The following LEPROTL1 variants were observed in gnomAD, a reference collection of about 807,000 sequenced individuals.
LEPROTL1 encodes the protein leptin receptor overlapping transcript-like 1.
A neutral mutation model predicts 15.4 loss-of-function variants in LEPROTL1; 6 were observed. The ratio of observed to expected loss-of-function variants is 0.39; its 90% CI spans 0.21 to 0.77. The LOEUF is 0.77. Among genes scored for constraint, LEPROTL1 ranks in the 30% least tolerant of loss-of-function variants. The probability of loss-of-function intolerance (pLI) is 0.41; values close to 1 mark genes in which losing one functional copy is unlikely to be tolerated. For missense variants in LEPROTL1, 128 were observed against 158.1 expected, an observed-to-expected ratio of 0.81 and a Z score of 1.02; for synonymous variants, 56 against 52.6, an observed-to-expected ratio of 1.06 and a Z score of -0.28.
intron 3 of LEPROTL1, among the ~76,000 whole-genome samples, chr8:30,117,130 C>A (rs189680702): frequency 6.6e-6 from 1 of 151,936 alleles, no homozygotes; most frequent in Non-Finnish European, 1.5e-5. Context: ...GTATTGTAAT[C>A]CTAGGGAATT....
At chr8:30,102,225 G>C (rs1188021157) in intron 2 of LEPROTL1, among the ~76,000 whole-genome samples, 2 of 152,018 alleles carry the variant, frequency 1.3e-5, no homozygotes, top group African/African-American at 4.8e-5. Flanking sequence ...TAGCTACACA[G>C]TACCTCAGCC....
At position 30,133,169 on chromosome 8, in the gene LEPROTL1, G is replaced by T. The variant is rs191511856; in HGVS notation, c.394+680G>T. On this transcript the variant is annotated intron_variant, in intron 4 of 4. Coordinates refer to the LEPROTL1 transcript ENST00000442880. ...TGGGCTTAAGCAATCTGCCTGTCTC[G>T]GCCTCCCAGAGTGCTGGGATTACAG... 7.6e-4 allele frequency among the ~76,000 whole-genome samples: 116 copies of T among 152,026 alleles called. 6 individuals are homozygous for T. The East Asian group carries it at 0.014, about 18-fold the overall frequency.
At chr8:30,096,080 A>C (rs975980533) in intron 1 of LEPROTL1, 1 of 165,024 alleles carries the variant, frequency 6.1e-6, no homozygotes, top group African/African-American at 2.4e-5. Flanking sequence ...GTGCATTTTC[A>C]TCTGCGGTGT....
At chr8:30,132,705 G>A (rs1563220701) in intron 4 of LEPROTL1, 1 of 1,551,770 alleles carries the variant, frequency 6.4e-7, no homozygotes, top group Non-Finnish European at 8.7e-7. Flanking sequence ...ATCGCTGGAA[G>A]GAGCACAGAG....
intron 3 of LEPROTL1, among the ~76,000 whole-genome samples, chr8:30,128,197 T>C (rs1386286286): frequency 6.6e-6 from 1 of 152,154 alleles, no homozygotes; most frequent in Non-Finnish European, 1.5e-5. Flanking sequence ...TTCCCACAAA[T>C]CACTTTCTAC....
intron 1 of LEPROTL1, among the ~76,000 whole-genome samples, chr8:30,096,053 A>T (rs1398445486): frequency 2.0e-5 from 3 of 152,154 alleles, no homozygotes. Flanking sequence ...CCGAGGCTTT[A>T]CAGGCTCCCG....
chr8:30,102,081 C>A, intron 2 of LEPROTL1, 108 bp downstream of exon 2: 1 of 625,076 alleles, frequency 1.6e-6, no homozygotes, highest in Non-Finnish European at 2.8e-6. Context: ...GAGAAATGTT[C>A]ACTTACCAAA....
rs1029493174 is a variant in LEPROTL1, at chr8:30,117,647, C to T, written c.279+13161C>T. The stretch of plus-strand genomic sequence containing the variant: ...TTTCAAATTCGCCAATGTAACCATG[C>T]TTCATCATCACAGTGAGAAACCAGA... On this transcript the variant is annotated intron_variant, in intron 3 of 4. Coordinates refer to the LEPROTL1 transcript ENST00000442880. 4.7e-6 allele frequency: 7 copies of T among 1,488,714 alleles called. No homozygotes were observed. In the Admixed American group the frequency reaches 1.0e-4, roughly 21 times the overall value. 92.2% of individuals were successfully genotyped at this position (1,488,714 alleles called of 1,614,324 possible). A position where few individuals can be genotyped will look rare whatever the true frequency, so the allele number is the denominator to read the frequency against.
rs976649936 is a variant in LEPROTL1 at position 30,108,418 on chromosome 8, T to C, written c.*2556T>C. The stretch of plus-strand genomic sequence containing the variant: ...ATTTTTATGACTTCTTATTATGTAT[T>C]TATTACCACTCATTATTATAGCATG... On this transcript the variant is annotated 3_prime_UTR_variant, in exon 4 of 4. Transcript: ENST00000321250. 1.3e-5 allele frequency: 2 copies of C among 152,198 alleles called. No homozygotes were observed. The highest frequency in any genetic ancestry group is 2.9e-5 in the Non-Finnish European group (2 of 68,026). The allele number at this position is 152,198 out of a possible 1,614,324, so 9.4% of individuals were successfully genotyped here. A position where few individuals can be genotyped will look rare whatever the true frequency, so the allele number is the denominator to read the frequency against.
downstream of LEPROTL1, among the ~76,000 whole-genome samples, chr8:30,109,130 A>G (rs2117493352): frequency 6.6e-6 from 1 of 152,044 alleles, no homozygotes; most frequent in East Asian, 1.9e-4. Flanking sequence ...TTTATATTGA[A>G]TGTGACTAGA....
intron 4 of LEPROTL1, chr8:30,132,874 A>C (rs1201590924): frequency 4.5e-6 from 7 of 1,542,538 alleles, no homozygotes; most frequent in Non-Finnish European, 6.1e-6. Flanking sequence ...CCTCTGGGTC[A>C]AGAGCATGAG....
At chr8:30,127,865 A>C (rs4733384) in intron 3 of LEPROTL1, among the ~76,000 whole-genome samples, 114,418 of 151,580 alleles carry the variant, frequency 0.75, 45,433 homozygotes, top group Non-Finnish European at 0.87. Context: ...CCAGAAGGTT[A>C]GTGATTGAAT....
chr8:30,113,151 CTG>C (rs59936410), downstream of LEPROTL1, among the ~76,000 whole-genome samples: 8,155 of 151,080 alleles, frequency 0.054, 256 homozygotes, highest in Middle Eastern at 0.087. Context: ...TGGCTCATGA[CTG>C]TAATCCCAGC....
chr8:30,126,891 T>G (rs1321633059), intron 3 of LEPROTL1, among the ~76,000 whole-genome samples: 1 of 152,104 alleles, frequency 6.6e-6, no homozygotes, highest in Admixed American at 6.5e-5. Context: ...TACAAAAAAA[T>G]TAGCTGGATA....
intron 4 of LEPROTL1, among the ~76,000 whole-genome samples, chr8:30,136,663 G>T (rs1174772744): frequency 6.6e-6 from 1 of 151,232 alleles, no homozygotes; most frequent in Non-Finnish European, 1.5e-5. Context: ...CCACCCACCT[G>T]CCATCTTGCC....
chr8:30,106,539 C>G lies in LEPROTL1; in HGVS notation c.*677C>G. ...ATTGCTACAGAGGAGTGCTTTTCTT[C>G]TCAATTGTTAGAAGAATTTATGTTA... is the stretch of plus-strand genomic sequence containing the variant. On this transcript the variant is annotated 3_prime_UTR_variant, in exon 4 of 4. Transcript: ENST00000321250. 3 of 985,274 alleles carry G rather than the reference C, an allele frequency of 3.0e-6. No homozygotes were observed. Among genetic ancestry groups the G allele is most frequent in the Non-Finnish European group, 3.6e-6 (3 of 829,512 alleles). 61.0% of individuals were successfully genotyped at this position (985,274 alleles called of 1,614,324 possible).
chr8:30,131,721 G>A, intron 3 of LEPROTL1: 1 of 470,764 alleles, frequency 2.1e-6, no homozygotes, highest in South Asian at 2.4e-5. Context: ...TAAACCTTAA[G>A]GGAAGAAACC....
intron 3 of LEPROTL1, among the ~76,000 whole-genome samples, chr8:30,115,510 C>A (rs2117504602): frequency 6.8e-6 from 1 of 147,602 alleles, no homozygotes; most frequent in African/African-American, 2.5e-5. Flanking sequence ...GTAGCTGGGA[C>A]TACAGGCACG....
At chr8:30,103,636 G>A (rs1048500301) in intron 2 of LEPROTL1, among the ~76,000 whole-genome samples, 5 of 151,676 alleles carry the variant, frequency 3.3e-5, no homozygotes, top group Admixed American at 2.6e-4. Context: ...AGCTAGTCAC[G>A]GGGGCTGAGG....
Sources: allele counts gnomAD v4.1 joint callset (sites outside exome capture counted in the v4.1 genomes callset), GRCh38; gene constraint gnomAD v4.1.1; transcripts MANE v1.5; gene names NCBI Gene and HGNC (gene_info 2026-07-23, HGNC 2026-07-21).